The following PDK1 variants were observed in gnomAD, a reference collection of about 807,000 sequenced individuals.
PDK1 encodes the protein pyruvate dehydrogenase kinase 1, also known as [Pyruvate dehydrogenase (acetyl-transferring)] kinase isozyme 1, mitochondrial.
PDK1 carries 39 observed loss-of-function variants against 54.2 expected under a neutral mutation model. The observed-to-expected ratio is 0.72, with a 90% CI of 0.56 to 0.94. The LOEUF (loss-of-function observed/expected upper bound fraction) is 0.94, where lower values mean the gene tolerates loss of function less well. Among genes scored for constraint, PDK1 ranks in the 40% least tolerant of loss-of-function variants. The pLI is 0.00. For synonymous variants in PDK1, 221 were observed against 207.1 expected, an observed-to-expected ratio of 1.07 and a Z score of -0.58; for missense variants, 552 against 566.0, an observed-to-expected ratio of 0.98 and a Z score of 0.25.
chr2:172,560,676 A>G (rs1016921791), intron 2 of PDK1, among the ~76,000 whole-genome samples: 8 of 152,244 alleles, frequency 5.3e-5, no homozygotes, highest in Non-Finnish European at 1.0e-4. Flanking sequence ...TATAAATTAC[A>G]AAAGTTAAAA....
At chr2:172,654,866 C>T in the PDK1 span, among the ~76,000 whole-genome samples, 4 of 152,082 alleles carry the variant, frequency 2.6e-5, no homozygotes, top group Admixed American at 2.0e-4. Context: ...GCTGTAAGGA[C>T]GGTTTCACCC....
chr2:172,683,405 G>A, the PDK1 span, among the ~76,000 whole-genome samples: 1 of 151,890 alleles, frequency 6.6e-6, no homozygotes, highest in Admixed American at 6.6e-5. Context: ...CAGTTCTGCA[G>A]GCTGTACAGG....
At chr2:172,707,543 C>T in the PDK1 span, among the ~76,000 whole-genome samples, 1 of 152,162 alleles carries the variant, frequency 6.6e-6, no homozygotes, top group African/African-American at 2.4e-5. Context: ...TCGACAGCTC[C>T]AGGTCTGGGA....
At position 172,608,565 on chromosome 2, in the gene PDK1, A is replaced by G. The variant is rs553578264; in HGVS notation, c.*12596A>G. 1.3e-5 allele frequency: 2 copies of G among 152,264 alleles called. No individual in the cohort carries two copies. The highest frequency in any genetic ancestry group is 1.3e-4 in the Admixed American group (2 of 15,308). 9.4% of individuals were successfully genotyped at this position (152,264 alleles called of 1,614,324 possible). On this transcript the variant is annotated 3_prime_UTR_variant, in exon 11 of 11. Transcript: ENST00000282077. ...TGAAACCAAATCCGTGGATTTACCA[A>G]TGGCCATTTTATCACCTCCAAACTA...
chr2:172,591,289 T>G (rs1279868512), intron 9 of PDK1, among the ~76,000 whole-genome samples: 3 of 151,836 alleles, frequency 2.0e-5, no homozygotes, highest in Non-Finnish European at 2.9e-5. Flanking sequence ...GGTATAAGAG[T>G]TTGAAAGGTG....
chr2:172,633,525 G>T, the PDK1 span, among the ~76,000 whole-genome samples: 2 of 150,716 alleles, frequency 1.3e-5, no homozygotes, highest in African/African-American at 4.9e-5. Context: ...AGTGCTAAGA[G>T]CATTCCTACA....
chr2:172,704,087 G>T, the PDK1 span, among the ~76,000 whole-genome samples: 1 of 151,960 alleles, frequency 6.6e-6, no homozygotes, highest in African/African-American at 2.4e-5. Flanking sequence ...TTTTTCTCTT[G>T]TAATTGCTTT....
At chr2:172,704,548 A>G in the PDK1 span, among the ~76,000 whole-genome samples, 2 of 152,298 alleles carry the variant, frequency 1.3e-5, no homozygotes, top group South Asian at 4.1e-4. Context: ...TTAAGGAAGG[A>G]TCAATTTCGA....
In PDK1 at chr2:172,592,911, A is replaced by C. The variant is rs768162987; in HGVS notation, c.1057-24A>C. The stretch of plus-strand genomic sequence containing the variant: ...TTTCAGTGTGTGTCTTTCTGAATAG[A>C]ATTTTGTTTTTCTCATCAAACAGGC... On this transcript the variant is annotated intron_variant, in intron 9 of 10. Coordinates refer to ENST00000282077, the MANE Select transcript of PDK1 (RefSeq NM_002610.5). The C allele has an allele frequency of 1.4e-5, 18 of 1,275,656 alleles. No homozygotes were observed. In the Admixed American group the frequency reaches 2.4e-4, roughly 17 times the overall value. The allele number at this position is 1,275,656 out of a possible 1,614,324, so 79.0% of individuals were successfully genotyped here.
intron 8 of PDK1, among the ~76,000 whole-genome samples, chr2:172,585,978 A>C (rs567220171): frequency 2.0e-5 from 3 of 152,174 alleles, no homozygotes; most frequent in African/African-American, 7.2e-5. Context: ...ATTCTGGCTA[A>C]CATGGTGAAA....
chr2:172,570,470 CTAGTTAAAAG>C (rs1689184580), intron 7 of PDK1: 1 of 332,158 alleles, frequency 3.0e-6, no homozygotes, highest in Non-Finnish European at 5.4e-6. Context: ...TTTAATGTAA[CTAGTTAAAAG>C]TGTTTTGAAG....
rs148699828 is a variant in PDK1 at position 172,593,030 on chromosome 2, T to C, written c.1152T>C (p.Asp384=). 9.6e-6 allele frequency: 15 copies of C among 1,566,958 alleles called. No individual in the cohort carries two copies. In the African/African-American group the frequency reaches 1.9e-4, roughly 20 times the overall value. Reference sequence around the variant, plus strand: ...ATTCCCTAGAGGGTTACGGGACAGATGCAGTTATCTACATTAAGGTAATAG... The same window carrying C: ...ATTCCCTAGAGGGTTACGGGACAGACGCAGTTATCTACATTAAGGTAATAG... ...KLYSLEGYGT[D]AVIYIKALST... The change falls in exon 10 of 11, where the codon GAT becomes GAC. Residue 384 remains aspartate (D), a synonymous_variant. Transcript: ENST00000282077.
chr2:172,671,373 T>C, the PDK1 span, among the ~76,000 whole-genome samples: 1 of 151,292 alleles, frequency 6.6e-6, no homozygotes, highest in Non-Finnish European at 1.5e-5. Flanking sequence ...ATAAATAATA[T>C]ATATATCATT....
At chr2:172,630,003 AGGAT>A in the PDK1 span, among the ~76,000 whole-genome samples, 2 of 152,194 alleles carry the variant, frequency 1.3e-5, no homozygotes, top group African/African-American at 2.4e-5. Flanking sequence ...GAAGGTGAGA[AGGAT>A]TGATTGATTA....
intron 8 of PDK1, among the ~76,000 whole-genome samples, chr2:172,571,065 CAG>C (rs1689225945): frequency 6.6e-6 from 1 of 152,086 alleles, no homozygotes; most frequent in African/African-American, 2.4e-5. Context: ...ATCTTGGAGA[CAG>C]ACAATTTATC....
At chr2:172,615,050 A>G in the PDK1 span, among the ~76,000 whole-genome samples, 24 of 152,144 alleles carry the variant, frequency 1.6e-4, no homozygotes, top group Non-Finnish European at 2.9e-4. Flanking sequence ...CAGACCCTGC[A>G]CGGAGTTTGC....
the PDK1 span, among the ~76,000 whole-genome samples, chr2:172,615,954 G>A: frequency 1.8e-4 from 27 of 152,292 alleles, no homozygotes; most frequent in African/African-American, 4.8e-4. Flanking sequence ...GCACTATGGG[G>A]ACACAGCTAC....
the PDK1 span, among the ~76,000 whole-genome samples, chr2:172,647,515 A>G: frequency 2.0e-5 from 3 of 152,348 alleles, no homozygotes; most frequent in Admixed American, 1.3e-4. Flanking sequence ...TAAAATAAAC[A>G]ATGATAGCAT....
chr2:172,622,615 A>G, the PDK1 span, among the ~76,000 whole-genome samples: 8 of 145,934 alleles, frequency 5.5e-5, no homozygotes, highest in Non-Finnish European at 1.2e-4. Flanking sequence ...ATTATGTGAG[A>G]TATGTTTATC....
Sources: allele counts gnomAD v4.1 joint callset (sites outside exome capture counted in the v4.1 genomes callset), GRCh38; gene constraint gnomAD v4.1.1; transcripts MANE v1.5; gene names NCBI Gene and HGNC (gene_info 2026-07-23, HGNC 2026-07-21).